Variants in DCLRE1C observed in about 807,000 individuals in gnomAD.
DCLRE1C encodes protein artemis.
DCLRE1C carries 47 observed loss-of-function variants against 61.4 expected under a neutral mutation model. That is an observed-to-expected ratio of 0.77 (90% CI 0.61 to 0.98). DCLRE1C has a LOEUF of 0.98. Among genes scored for constraint, DCLRE1C ranks in the 50% least tolerant of loss-of-function variants. The probability of loss-of-function intolerance (pLI) is 0.00; values close to 1 mark genes in which losing one functional copy is unlikely to be tolerated. For synonymous variants in DCLRE1C, 337 were observed against 287.6 expected (o/e 1.17, Z -1.74); for missense variants, 858 against 816.0 (o/e 1.05, Z -0.63).
At chr10:14,932,631 A>G (rs972369482) in intron 9 of DCLRE1C, among the ~76,000 whole-genome samples, 19 of 152,044 alleles carry the variant, frequency 1.2e-4, no homozygotes, top group African/African-American at 4.3e-4. Flanking sequence ...GTGAGACTCC[A>G]TCTCAAAAAA....
At chr10:14,929,425 T>TAAA (rs71388201) in intron 9 of DCLRE1C, among the ~76,000 whole-genome samples, 166 of 127,540 alleles carry the variant, frequency 1.3e-3, no homozygotes, top group African/African-American at 4.2e-3. Context: ...TTTTTTTAAT[T>TAAA]AAAAAAAAAA....
chr10:14,943,015 A>G (rs1399936743), intron 3 of DCLRE1C, among the ~76,000 whole-genome samples: 2 of 152,226 alleles, frequency 1.3e-5, no homozygotes, highest in African/African-American at 4.8e-5. Context: ...AATCCCAGCC[A>G]CTAGGGAGGC....
At chr10:14,944,673 CTTTTTTTTTTT>C (rs1165126470) in intron 3 of DCLRE1C, among the ~76,000 whole-genome samples, 2 of 117,726 alleles carry the variant, frequency 1.7e-5, no homozygotes, top group Non-Finnish European at 3.6e-5. Flanking sequence ...TTTTTTTTTT[CTTTTTTTTTTT>C]TTTTTTTTTA....
rs115268586 is a variant in DCLRE1C at position 14,947,071 on chromosome 10, G to A, written c.162-1882C>T. Among the ~76,000 whole-genome samples the A allele has an allele frequency of 1.1e-3, 175 of 152,236 alleles. 1 individual carries two copies. Among genetic ancestry groups the A allele is most frequent in the African/African-American group, 4.1e-3 (171 of 41,536 alleles). ...TACTGAAAAATAAAAAATTAGTTGG[G>A]CTTAGAGGCACGTGCCTGTAGTCCT... On this transcript the variant is annotated intron_variant, in intron 2 of 13. Transcript: ENST00000378278.
intron 11 of DCLRE1C, among the ~76,000 whole-genome samples, chr10:14,926,619 A>C (rs1838021238): frequency 6.7e-6 from 1 of 148,884 alleles, no homozygotes; most frequent in Non-Finnish European, 1.5e-5. Flanking sequence ...ACACCACTGT[A>C]CCCCAACCTG....
At chr10:14,898,542 T>C (rs1178285239) in exon 14 of DCLRE1C, 1 of 152,204 alleles carries the variant, frequency 6.6e-6, no homozygotes, top group Non-Finnish European at 1.5e-5. Flanking sequence ...TAGACAGTGG[T>C]AGATTATTAT....
intron 7 of DCLRE1C, 43 bp downstream of exon 7, chr10:14,934,660 G>A (rs374638780): frequency 9.1e-5 from 147 of 1,610,722 alleles, no homozygotes; most frequent in Non-Finnish European, 1.2e-4. Flanking sequence ...CTAAAAACAC[G>A]GGCACACCCA....
At chr10:14,897,997 C>T (rs1462335985) in exon 14 of DCLRE1C, 1 of 151,832 alleles carries the variant, frequency 6.6e-6, no homozygotes, top group Non-Finnish European at 1.5e-5. Context: ...TTATTGCATC[C>T]ATAATCTGTA....
chr10:14,919,580 C>T (rs564051465), intron 13 of DCLRE1C, among the ~76,000 whole-genome samples, 158 bp downstream of exon 13: 1 of 152,314 alleles, frequency 6.6e-6, no homozygotes, highest in South Asian at 2.1e-4. Flanking sequence ...AGGCTGAAGA[C>T]AGGAAGGCAA....
At chr10:14,935,621 C>T (rs1839781801) in intron 5 of DCLRE1C, 57 bp from the exon 6 acceptor site, 2 of 1,490,968 alleles carry the variant, frequency 1.3e-6, no homozygotes, top group Non-Finnish European at 1.9e-6. Context: ...CCCAATAAAG[C>T]AAATACATGT....
chr10:14,945,545 C>A, intron 2 of DCLRE1C: 1 of 1,095,086 alleles, frequency 9.1e-7, no homozygotes, highest in Non-Finnish European at 1.1e-6. Context: ...GAAATACGCG[C>A]TTGTATGTGA....
intron 8 of DCLRE1C, among the ~76,000 whole-genome samples, chr10:14,933,406 G>A (rs963836943): frequency 1.3e-5 from 2 of 152,174 alleles, no homozygotes; most frequent in African/African-American, 2.4e-5. Context: ...AGAGGCGGAG[G>A]CCGGTGGATC....
intron 13 of DCLRE1C, among the ~76,000 whole-genome samples, chr10:14,915,714 T>C (rs1368155216): frequency 6.6e-6 from 1 of 151,266 alleles, no homozygotes; most frequent in Non-Finnish European, 1.5e-5. Context: ...CTACCAGTCA[T>C]TTAAGAAAGA....
chr10:14,942,547 T>C (rs1841027748), intron 3 of DCLRE1C: 1 of 152,138 alleles, frequency 6.6e-6, no homozygotes, highest in South Asian at 2.1e-4. Flanking sequence ...CACACACGCA[T>C]GCACATACAC....
rs954864190 is a variant in DCLRE1C at position 14,919,840 on chromosome 10, G to T, written c.1062-8C>A. 1 of 1,600,960 alleles carries T rather than the reference G, an allele frequency of 6.2e-7. No individual in the cohort carries two copies. On this transcript the variant is annotated splice_polypyrimidine_tract_variant and splice_region_variant and intron_variant, in intron 12 of 13. Transcript: ENST00000378278. ...CGGCATAAAGGCTTTAAGCTGAAAT[G>T]AATCAGAATATTTGATTTTTCCTTT...
chr10:14,950,969 T>A (rs563132003), intron 1 of DCLRE1C, among the ~76,000 whole-genome samples: 2 of 152,326 alleles, frequency 1.3e-5, no homozygotes, highest in African/African-American at 4.8e-5. Flanking sequence ...GGCCCTCTCA[T>A]CTTTCAGAAC....
chr10:14,931,507 G>A (rs749867985), intron 9 of DCLRE1C, among the ~76,000 whole-genome samples: 2 of 151,600 alleles, frequency 1.3e-5, no homozygotes, highest in Non-Finnish European at 2.9e-5. Flanking sequence ...GCAGTGAGCC[G>A]AGATGGCACC....
At chr10:14,945,556 T>C in intron 2 of DCLRE1C, 1 of 1,077,720 alleles carries the variant, frequency 9.3e-7, no homozygotes, top group Non-Finnish European at 1.1e-6. Context: ...TTGTATGTGA[T>C]CAGGTGTGTC....
At chr10:14,942,665 G>A (rs1019918699) in intron 3 of DCLRE1C, among the ~76,000 whole-genome samples, 2 of 152,216 alleles carry the variant, frequency 1.3e-5, no homozygotes, top group African/African-American at 4.8e-5. Context: ...AGTGTTTCCT[G>A]TGGCTTAAGA....
Sources: gnomAD v4.1 joint callset for allele counts (sites outside exome capture counted in the v4.1 genomes callset) on GRCh38, gnomAD v4.1.1 for gene constraint, MANE v1.5 for transcripts, NCBI Gene and HGNC (gene_info 2026-07-23, HGNC 2026-07-21) for gene names.